Variants in CCDC178 observed in about 807,000 individuals in gnomAD.
CCDC178 encodes coiled-coil domain containing 178, also known as coiled-coil domain-containing protein 178.
A neutral mutation model predicts 117.4 loss-of-function variants in CCDC178; 126 were observed. That is an observed-to-expected ratio of 1.07 (90% CI 0.93 to 1.24). The LOEUF (loss-of-function observed/expected upper bound fraction) is 1.24. CCDC178 is among the 50% of genes most tolerant of loss of function. The probability of loss-of-function intolerance (pLI) is 0.00; values close to 1 mark genes in which losing one functional copy is unlikely to be tolerated. For synonymous variants in CCDC178, 283 were observed against 313.4 expected, an observed-to-expected ratio of 0.90 and a Z score of 1.02; for missense variants, 1,030 against 986.9, an observed-to-expected ratio of 1.04 and a Z score of -0.59.
At chr18:33,432,208 G>C (rs927553193) in intron 2 of CCDC178, among the ~76,000 whole-genome samples, 2 of 152,144 alleles carry the variant, frequency 1.3e-5, no homozygotes, top group Non-Finnish European at 2.9e-5. Flanking sequence ...CAAGTAGTAA[G>C]ATTGTCTGAG....
At chr18:33,157,479 G>C (rs2058414919) in intron 20 of CCDC178, among the ~76,000 whole-genome samples, 2 of 151,958 alleles carry the variant, frequency 1.3e-5, no homozygotes, top group Non-Finnish European at 2.9e-5. Context: ...TATTAATACA[G>C]ACCAAAATGT....
Position 32,941,832 on chromosome 18 carries a change from T to C in CCDC178, c.2524-3741A>G, listed in dbSNP as rs570408360. On this transcript the variant is annotated intron_variant, in intron 22 of 22. Transcript: ENST00000383096. The stretch of plus-strand genomic sequence containing the variant: ...TGTCTACTTGTTTCTTAATTCTATG[T>C]TCGTGTGTTGCTTTGATGTGATCAC... Among the ~76,000 whole-genome samples the C allele has an allele frequency of 3.3e-5, 5 of 152,234 alleles. No individual in the cohort carries two copies. The East Asian group carries it at 9.7e-4, about 29-fold the overall frequency.
At chr18:33,361,512 A>T (rs540611930) in intron 6 of CCDC178, among the ~76,000 whole-genome samples, 1 of 151,866 alleles carries the variant, frequency 6.6e-6, no homozygotes, top group African/African-American at 2.4e-5. Context: ...ACTAAAAAAA[A>T]ATGAAAAGTC....
At chr18:33,277,612 T>A (rs929126488) in intron 12 of CCDC178, among the ~76,000 whole-genome samples, 2 of 152,260 alleles carry the variant, frequency 1.3e-5, no homozygotes, top group South Asian at 4.1e-4. Context: ...AAACCATTTC[T>A]AATCTCATTA....
At chr18:33,272,694 C>G (rs147899787) in intron 12 of CCDC178, among the ~76,000 whole-genome samples, 100 of 151,502 alleles carry the variant, frequency 6.6e-4, no homozygotes, top group Middle Eastern at 3.4e-3. Flanking sequence ...GGATTATAGA[C>G]CACGATGAAG....
At chr18:33,155,277 A>G (rs2058380905) in intron 20 of CCDC178, among the ~76,000 whole-genome samples, 1 of 152,168 alleles carries the variant, frequency 6.6e-6, no homozygotes, top group Non-Finnish European at 1.5e-5. Flanking sequence ...TTAAAAAAAG[A>G]AACTGAATGG....
At chr18:33,350,233 G>A (rs1453008039) in intron 7 of CCDC178, among the ~76,000 whole-genome samples, 6 of 151,538 alleles carry the variant, frequency 4.0e-5, no homozygotes, top group South Asian at 2.1e-4. Flanking sequence ...TCTAAAGTTC[G>A]GTTAATTCTT....
chr18:33,409,814 T>C (rs2063826828), intron 3 of CCDC178, among the ~76,000 whole-genome samples: 1 of 152,216 alleles, frequency 6.6e-6, no homozygotes, highest in Admixed American at 6.5e-5. Context: ...CCATTGATGT[T>C]AGCATTTCAA....
intron 5 of CCDC178, among the ~76,000 whole-genome samples, chr18:33,383,111 C>T (rs947447581): frequency 9.9e-5 from 15 of 152,142 alleles, no homozygotes; most frequent in Non-Finnish European, 2.1e-4. Context: ...CCCCACAGTG[C>T]AGCAAAGCAG....
chr18:33,365,943 C>T (rs2063199260), intron 6 of CCDC178, among the ~76,000 whole-genome samples: 1 of 152,016 alleles, frequency 6.6e-6, no homozygotes. Flanking sequence ...GGAAAATTCT[C>T]ATAGTAACTC....
intron 20 of CCDC178, among the ~76,000 whole-genome samples, chr18:33,149,904 T>C (rs952394899): frequency 5.3e-5 from 8 of 152,118 alleles, no homozygotes; most frequent in African/African-American, 1.9e-4. Context: ...AAAATTCATA[T>C]GGAACCAAAA....
chr18:32,947,420 A>T (rs529191293), intron 22 of CCDC178, among the ~76,000 whole-genome samples: 1 of 152,248 alleles, frequency 6.6e-6, no homozygotes, highest in Admixed American at 6.5e-5. Context: ...GTGGTATCTC[A>T]TTGTGGTTTT....
intron 9 of CCDC178, among the ~76,000 whole-genome samples, chr18:33,336,333 T>A (rs2062740330): frequency 6.6e-6 from 1 of 152,038 alleles, no homozygotes; most frequent in Non-Finnish European, 1.5e-5. Flanking sequence ...CCTACACATA[T>A]ATCAAAATGG....
At chr18:33,050,938 A>G (rs533264666) in intron 21 of CCDC178, among the ~76,000 whole-genome samples, 17 of 152,210 alleles carry the variant, frequency 1.1e-4, no homozygotes, top group Non-Finnish European at 1.9e-4. Context: ...TTTGAGATAG[A>G]GTCTCGGTCT....
intron 6 of CCDC178, among the ~76,000 whole-genome samples, chr18:33,360,163 T>C (rs971682706): frequency 2.6e-5 from 4 of 151,194 alleles, no homozygotes; most frequent in African/African-American, 9.7e-5. Context: ...GAAAATAATT[T>C]GATGGTTTCT....
intron 21 of CCDC178, among the ~76,000 whole-genome samples, chr18:33,041,482 A>G (rs943112084): frequency 7.3e-5 from 11 of 151,084 alleles, no homozygotes; most frequent in African/African-American, 2.7e-4. Flanking sequence ...ATAATTTATC[A>G]TGATCAAGTG....
At chr18:33,413,234 C>T (rs576421842) in intron 2 of CCDC178, among the ~76,000 whole-genome samples, 1 of 152,148 alleles carries the variant, frequency 6.6e-6, no homozygotes, top group South Asian at 2.1e-4. Context: ...TGAAAAAAGA[C>T]TTCTTAGACA....
intron 7 of CCDC178, among the ~76,000 whole-genome samples, chr18:33,349,743 G>T (rs2062945980): frequency 6.6e-6 from 1 of 151,632 alleles, no homozygotes; most frequent in African/African-American, 2.4e-5. Context: ...TTTTATTAAA[G>T]AAGTATTCTA....
At chr18:32,947,904 A>G (rs1268283423) in intron 22 of CCDC178, among the ~76,000 whole-genome samples, 1 of 152,076 alleles carries the variant, frequency 6.6e-6, no homozygotes, top group Non-Finnish European at 1.5e-5. Flanking sequence ...GTGAAATTTT[A>G]TTTATTTTCA....
Sources: gnomAD v4.1 joint callset for allele counts (sites outside exome capture counted in the v4.1 genomes callset) on GRCh38, gnomAD v4.1.1 for gene constraint, MANE v1.5 for transcripts, NCBI Gene and HGNC (gene_info 2026-07-23, HGNC 2026-07-21) for gene names.